NPR3: variants seen among roughly 807,000 people sequenced by gnomAD.
NPR3 encodes the protein atrial natriuretic peptide receptor 3.
A neutral mutation model predicts 54.5 loss-of-function variants in NPR3; 34 were observed. That is an observed-to-expected ratio of 0.62 (90% CI 0.47 to 0.83). The LOEUF is 0.83. Among genes scored for constraint, NPR3 ranks in the 40% least tolerant of loss-of-function variants. The probability of loss-of-function intolerance (pLI) is 0.00; values close to 1 mark genes in which losing one functional copy is unlikely to be tolerated. For synonymous variants in NPR3, 289 were observed against 297.1 expected, an observed-to-expected ratio of 0.97 and a Z score of 0.28; for missense variants, 674 against 720.8, an observed-to-expected ratio of 0.94 and a Z score of 0.74.
chr5:32,694,583 G>T (rs951584731), intron 1 of NPR3, among the ~76,000 whole-genome samples: 2 of 151,942 alleles, frequency 1.3e-5, no homozygotes, highest in East Asian at 1.9e-4. Context: ...TACAGAGTAG[G>T]TATATATGTT....
At chr5:32,758,801 G>A (rs1308885359) in intron 3 of NPR3, among the ~76,000 whole-genome samples, 2 of 152,118 alleles carry the variant, frequency 1.3e-5, no homozygotes, top group East Asian at 1.9e-4. Context: ...CTGGTATGTT[G>A]TGTCTTTGTT....
upstream of NPR3, chr5:32,710,419 G>T: frequency 3.2e-6 from 1 of 311,036 alleles, no homozygotes; most frequent in Non-Finnish European, 5.8e-6. Flanking sequence ...GACGCTTTGG[G>T]GATGCTTTCC....
At chr5:32,728,837 G>GTATATATATATATATATA (rs70961659) in intron 2 of NPR3, among the ~76,000 whole-genome samples, 3 of 48,002 alleles carry the variant, frequency 6.2e-5, no homozygotes, top group Non-Finnish European at 1.1e-4. Flanking sequence ...GTGTGTGTGT[G>GTATATATATATATATATA]TATATATATA....
intron 4 of NPR3, 83 bp downstream of exon 4, chr5:32,774,926 T>C: frequency 9.0e-7 from 1 of 1,111,320 alleles, no homozygotes; most frequent in Non-Finnish European, 1.4e-6. Flanking sequence ...GTTGCAGCTG[T>C]GGGGCCTTTC....
At chr5:32,725,425 G>A (rs696831) in intron 2 of NPR3, among the ~76,000 whole-genome samples, 40,368 of 152,028 alleles carry the variant, frequency 0.27, 5,609 homozygotes, top group Non-Finnish European at 0.29. Flanking sequence ...CAATTCAATT[G>A]GAGCAAAAAG....
At chr5:32,707,661 G>A (rs73755095), upstream of NPR3, among the ~76,000 whole-genome samples, 664 of 152,208 alleles carry the variant, frequency 4.4e-3, 8 homozygotes, top group African/African-American at 0.015. Context: ...GGGTATTCTC[G>A]AATACAACTT....
At chr5:32,723,747 G>A (rs954611084) in intron 1 of NPR3, among the ~76,000 whole-genome samples, 1 of 152,128 alleles carries the variant, frequency 6.6e-6, no homozygotes, top group Non-Finnish European at 1.5e-5. Flanking sequence ...AAAGTATAAA[G>A]AACTGGTCTG....
At chr5:32,741,923 G>A (rs1205439989) in intron 3 of NPR3, among the ~76,000 whole-genome samples, 1 of 151,824 alleles carries the variant, frequency 6.6e-6, no homozygotes, top group Non-Finnish European at 1.5e-5. Flanking sequence ...AGCTGCAGAT[G>A]TTTATCAAGT....
At chr5:32,782,709 C>T (rs1742402293) in intron 5 of NPR3, among the ~76,000 whole-genome samples, 184 bp from the exon 6 acceptor site, 1 of 152,140 alleles carries the variant, frequency 6.6e-6, no homozygotes, top group African/African-American at 2.4e-5. Flanking sequence ...AGGAACGTGC[C>T]CAATGTACCA....
rs369159764 is a variant in NPR3 at position 32,774,688 on chromosome 5, A to C, written c.1060-20A>C. 1 of 1,602,966 alleles carries C rather than the reference A, an allele frequency of 6.2e-7. No homozygotes were observed. Among genetic ancestry groups the C allele is most frequent in the East Asian group, 2.2e-5 (1 of 44,828 alleles). On this transcript the variant is annotated intron_variant, in intron 3 of 7. Transcript: ENST00000265074. ...AGTCACTTGGTGTTTTGGTTCACCC[A>C]TCTGGGGTTTTCTTTTCAGGTTAAC...
Position 32,775,453 on chromosome 5 carries a change from C to A in NPR3, c.1195+610C>A, listed in dbSNP as rs142840499. Among the ~76,000 whole-genome samples, 219 of 152,206 alleles carry A rather than the reference C, an allele frequency of 1.4e-3. 1 individual carries two copies. The highest frequency in any genetic ancestry group is 5.1e-3 in the African/African-American group (211 of 41,534). On this transcript the variant is annotated intron_variant, in intron 4 of 7. Coordinates refer to ENST00000265074, the MANE Select transcript of NPR3 (RefSeq NM_001204375.2). ...GGGATTACAGGCGCCTGCCACCACACCTGGCTAATTTTTGTATTGTTTAGT... is the reference window on the plus strand; with the variant it reads ...GGGATTACAGGCGCCTGCCACCACAACTGGCTAATTTTTGTATTGTTTAGT...
At chr5:32,702,154 C>T (rs2194179) in intron 1 of NPR3, among the ~76,000 whole-genome samples, 2,111 of 152,248 alleles carry the variant, frequency 0.014, 43 homozygotes, top group African/African-American at 0.048. Context: ...TTCAGAGATG[C>T]CATCCAGGAG....
chr5:32,723,128 C>A (rs1458345413), intron 1 of NPR3, among the ~76,000 whole-genome samples: 1 of 152,180 alleles, frequency 6.6e-6, no homozygotes, highest in Non-Finnish European at 1.5e-5. Context: ...AGCACCCATG[C>A]TTTTACAAAG....
chr5:32,713,536 G>A lies in NPR3; in HGVS notation c.769+991G>A, dbSNP rs1018635099. The A allele has an allele frequency of 3.4e-6, 3 of 894,824 alleles. No homozygotes were observed. The African/African-American group carries it at 5.4e-5, about 16-fold the overall frequency. 55.4% of individuals were successfully genotyped at this position (894,824 alleles called of 1,614,324 possible). On this transcript the variant is annotated intron_variant, in intron 1 of 7. Coordinates refer to ENST00000265074, the MANE Select transcript of NPR3 (RefSeq NM_001204375.2). ...AGGAGCACTGCGATGAGGGAATCCCGTCTCTGCTCCCCCTTGGCGCTCACG... is the reference window on the plus strand; with the variant it reads ...AGGAGCACTGCGATGAGGGAATCCCATCTCTGCTCCCCCTTGGCGCTCACG...
At chr5:32,782,866 G>T in intron 5 of NPR3, 27 bp from the exon 6 acceptor site, 1 of 1,578,780 alleles carries the variant, frequency 6.3e-7, no homozygotes, top group South Asian at 1.2e-5. Context: ...TTTTTGGTTT[G>T]TCTATTTGTT....
chr5:32,706,796 A>C (rs1447386202), upstream of NPR3, among the ~76,000 whole-genome samples: 1 of 152,066 alleles, frequency 6.6e-6, no homozygotes, highest in Non-Finnish European at 1.5e-5. Context: ...TATTTTTTTC[A>C]GTTAATAAAG....
intron 4 of NPR3, among the ~76,000 whole-genome samples, chr5:32,778,344 C>T (rs1484217012): frequency 6.6e-6 from 1 of 152,032 alleles, no homozygotes; most frequent in East Asian, 1.9e-4. Context: ...TGAGGGTAGG[C>T]CTAAAAAGGT....
At chr5:32,715,359 C>CT in intron 1 of NPR3, among the ~76,000 whole-genome samples, 1 of 151,872 alleles carries the variant, frequency 6.6e-6, no homozygotes. Context: ...TTTTTTTGGA[C>CT]TTAAGTTTCT....
At chr5:32,713,102 T>C in intron 1 of NPR3, 1 of 871,012 alleles carries the variant, frequency 1.1e-6, no homozygotes, top group South Asian at 5.2e-5. Context: ...ACTCTTCTCA[T>C]TCCTTTCATT....
Sources: allele counts gnomAD v4.1 joint callset (sites outside exome capture counted in the v4.1 genomes callset), GRCh38; gene constraint gnomAD v4.1.1; transcripts MANE v1.5; gene names NCBI Gene and HGNC (gene_info 2026-07-23, HGNC 2026-07-21).